FAF1: variants seen among roughly 807,000 people sequenced by gnomAD.
FAF1 encodes FAS-associated factor 1.
FAF1 carries 25 observed loss-of-function variants against 92.5 expected under a neutral mutation model. The ratio of observed to expected loss-of-function variants is 0.27; its 90% CI spans 0.20 to 0.38. The LOEUF (loss-of-function observed/expected upper bound fraction) is 0.38. FAF1 is among the 10% of genes least tolerant of loss of function. FAF1 has a pLI of 1.00. For missense variants in FAF1, 636 were observed against 793.3 expected (o/e 0.80, Z 2.38); for synonymous variants, 234 against 273.2 (o/e 0.86, Z 1.42).
At chr1:50,927,772 C>T (rs1021208133) in intron 1 of FAF1, among the ~76,000 whole-genome samples, 1 of 152,136 alleles carries the variant, frequency 6.6e-6, no homozygotes, top group Non-Finnish European at 1.5e-5. Flanking sequence ...ATCAAGGTGT[C>T]AGCAGTTTGC....
At chr1:50,917,624 A>AAAGG (rs1644928016) in intron 1 of FAF1, among the ~76,000 whole-genome samples, 3 of 72,248 alleles carry the variant, frequency 4.2e-5, no homozygotes, top group African/African-American at 5.6e-5. Flanking sequence ...AGGGAAAGGA[A>AAAGG]AAAGGAAAGG....
At chr1:50,505,826 C>T (rs1198553364) in intron 15 of FAF1, among the ~76,000 whole-genome samples, 1 of 152,126 alleles carries the variant, frequency 6.6e-6, no homozygotes, top group East Asian at 1.9e-4. Flanking sequence ...TGGTTTCAGC[C>T]TTCTAAACTT....
Position 50,598,972 on chromosome 1 carries a change from A to G in FAF1, c.745-2756T>C, listed in dbSNP as rs1305780521. ...ACAACAAGAGTGAAACTCCGTCTCA[A>G]AAAAAAAAGAACATACTATGTGATT... On this transcript the variant is annotated intron_variant, in intron 8 of 18. Coordinates refer to ENST00000396153, the MANE Select transcript of FAF1 (RefSeq NM_007051.3). 5.9e-5 allele frequency among the ~76,000 whole-genome samples: 9 copies of G among 151,474 alleles called. No homozygotes were observed. In the East Asian group the frequency reaches 7.7e-4, roughly 13 times the overall value.
intron 7 of FAF1, among the ~76,000 whole-genome samples, chr1:50,676,988 C>T (rs1656150747): frequency 6.6e-6 from 1 of 152,018 alleles, no homozygotes; most frequent in African/African-American, 2.4e-5. Context: ...GCAACAAATA[C>T]TTAGTAGTAA....
rs77932424 is a variant in FAF1, at chr1:50,493,754, G to A, written c.1495-1953C>T. 2.1e-3 allele frequency among the ~76,000 whole-genome samples: 322 copies of A among 152,202 alleles called. 2 individuals carry two copies. Among genetic ancestry groups the A allele is most frequent in the African/African-American group, 7.4e-3 (306 of 41,506 alleles). On this transcript the variant is annotated intron_variant, in intron 15 of 18. Coordinates refer to ENST00000396153, the MANE Select transcript of FAF1 (RefSeq NM_007051.3). ...TCTTTCCAGGCATAAAATACTTATT[G>A]TTTACAGCAACAATTAAAGAAAAAG...
chr1:50,550,142 G>C (rs893673058), intron 13 of FAF1, among the ~76,000 whole-genome samples: 1 of 151,950 alleles, frequency 6.6e-6, no homozygotes, highest in Non-Finnish European at 1.5e-5. Flanking sequence ...ACGAGGTCAG[G>C]AGATCAAGCC....
chr1:50,752,987 A>G (rs906380621), intron 4 of FAF1, among the ~76,000 whole-genome samples: 1 of 152,194 alleles, frequency 6.6e-6, no homozygotes, highest in Non-Finnish European at 1.5e-5. Context: ...CCCAACCATC[A>G]TCCTCTTCAA....
chr1:50,886,535 C>G (rs1348654491), intron 1 of FAF1, among the ~76,000 whole-genome samples: 3 of 152,044 alleles, frequency 2.0e-5, no homozygotes, highest in East Asian at 1.9e-4. Context: ...CCACTCCCCC[C>G]ACCCCACAAC....
chr1:50,601,333 G>A (rs950537950), intron 8 of FAF1, among the ~76,000 whole-genome samples: 8 of 152,078 alleles, frequency 5.3e-5, no homozygotes, highest in Admixed American at 1.3e-4. Flanking sequence ...GTTAAGCTTG[G>A]TCCTCAGAGC....
intron 13 of FAF1, among the ~76,000 whole-genome samples, chr1:50,558,314 T>G (rs1649697793): frequency 6.6e-6 from 1 of 152,178 alleles, no homozygotes; most frequent in South Asian, 2.1e-4. Context: ...AAAAACTGTA[T>G]GTTCTAAAAT....
At position 50,583,751 on chromosome 1, in the gene FAF1, A is replaced by C. The variant is rs757300994; in HGVS notation, c.968-36T>G. On this transcript the variant is annotated intron_variant, in intron 10 of 18. Transcript: ENST00000396153. This position sits in a 1 kb window ranked among gnomAD's most constrained non-coding sequence, Gnocchi z 4.2. ...AACAAAAGAAAAAACAAAAACAAAAAAACAAAACAAATAGACACAAAAACA... is the reference window on the plus strand; with the variant it reads ...AACAAAAGAAAAAACAAAAACAAAACAACAAAACAAATAGACACAAAAACA... The C allele has an allele frequency of 9.8e-6, 14 of 1,431,946 alleles. No homozygotes were observed. Among genetic ancestry groups the C allele is most frequent in the Admixed American group, 1.8e-5 (1 of 54,246 alleles). The allele number at this position is 1,431,946 out of a possible 1,614,324, so 88.7% of individuals were successfully genotyped here. A position where few individuals can be genotyped will look rare whatever the true frequency, so the allele number is the denominator to read the frequency against.
chr1:50,849,883 T>A (rs981173439), intron 2 of FAF1, among the ~76,000 whole-genome samples: 5 of 152,192 alleles, frequency 3.3e-5, no homozygotes, highest in Non-Finnish European at 5.9e-5. Context: ...TATCTATGAA[T>A]CAAAGTGTAC....
At chr1:50,892,668 T>C (rs1340768997) in intron 1 of FAF1, among the ~76,000 whole-genome samples, 1 of 152,246 alleles carries the variant, frequency 6.6e-6, no homozygotes, top group Non-Finnish European at 1.5e-5. Context: ...TGAGGTAGTC[T>C]TTCAGTTGAA....
At chr1:50,886,141 CT>C in intron 1 of FAF1, among the ~76,000 whole-genome samples, 2 of 152,194 alleles carry the variant, frequency 1.3e-5, no homozygotes, top group Non-Finnish European at 1.5e-5. Context: ...TTATATTATT[CT>C]GTGTTTTTCT....
intron 18 of FAF1, among the ~76,000 whole-genome samples, chr1:50,442,716 TG>T (rs1431651112): frequency 7.0e-6 from 1 of 143,574 alleles, no homozygotes; most frequent in African/African-American, 2.6e-5. Context: ...CATGGAGGGG[TG>T]GGGGATATGG....
intron 1 of FAF1, 121 bp downstream of exon 1, chr1:50,959,646 A>G: frequency 1.4e-6 from 1 of 708,596 alleles, no homozygotes; most frequent in East Asian, 3.3e-5. Context: ...CACGCCACGC[A>G]CCGTATAAAA....
At chr1:50,898,146 T>G (rs1266884427) in intron 1 of FAF1, among the ~76,000 whole-genome samples, 3 of 152,170 alleles carry the variant, frequency 2.0e-5, no homozygotes. Context: ...GGTTTGCATT[T>G]TAAAAATACT....
intron 2 of FAF1, among the ~76,000 whole-genome samples, chr1:50,805,285 C>T (rs1451771666): frequency 6.6e-6 from 1 of 152,154 alleles, no homozygotes; most frequent in Non-Finnish European, 1.5e-5. Flanking sequence ...TTACTGCCTT[C>T]ATGCTAATTA....
At chr1:50,582,938 G>A (rs1651056878) in intron 11 of FAF1, among the ~76,000 whole-genome samples, 1 of 152,032 alleles carries the variant, frequency 6.6e-6, no homozygotes, top group Non-Finnish European at 1.5e-5. Context: ...AATTTAATAA[G>A]TGCTATAAAA....
Sources: allele counts gnomAD v4.1 joint callset (sites outside exome capture counted in the v4.1 genomes callset), GRCh38; gene constraint gnomAD v4.1.1; non-coding constraint Gnocchi (gnomAD v3.1); transcripts MANE v1.5; gene names NCBI Gene and HGNC (gene_info 2026-07-23, HGNC 2026-07-21).